LIAT1: variants seen among roughly 807,000 people sequenced by gnomAD.
LIAT1 encodes protein LIAT1.
At chr17:413,585 G>A in the LIAT1 span, 8 of 1,479,050 alleles carry the variant, frequency 5.4e-6, no homozygotes, top group Admixed American at 3.8e-5. Flanking sequence ...CATCCACCCC[G>A]ACCCCGAGGC....
At chr17:413,090 C>T in the LIAT1 span, 46 of 1,575,436 alleles carry the variant, frequency 2.9e-5, 1 homozygote, top group Middle Eastern at 5.2e-4. Context: ...TGGCACCATC[C>T]CCAGCAGGCC....
the LIAT1 span, among the ~76,000 whole-genome samples, chr17:410,990 T>G: frequency 6.6e-6 from 1 of 151,994 alleles, no homozygotes; most frequent in Non-Finnish European, 1.5e-5. Context: ...ACAGAGGCCC[T>G]CCTCACAAGA....
chr17:413,263 A>G, the LIAT1 span: 1 of 1,614,090 alleles, frequency 6.2e-7, no homozygotes, highest in South Asian at 1.1e-5. Context: ...GCAAAGTGGA[A>G]AAGAAGCACC....
At chr17:410,710 C>T in the LIAT1 span, 13 of 1,429,824 alleles carry the variant, frequency 9.1e-6, no homozygotes, top group South Asian at 6.2e-5. Context: ...TGGGGACCCA[C>T]CCCCCATTTA....
chr17:411,150 C>T, the LIAT1 span, among the ~76,000 whole-genome samples: 1 of 152,204 alleles, frequency 6.6e-6, no homozygotes, highest in Non-Finnish European at 1.5e-5. Context: ...CACCCACAGA[C>T]GTGTGTATTA....
chr17:412,992 G>A, the LIAT1 span: 2 of 725,324 alleles, frequency 2.8e-6, no homozygotes, highest in Non-Finnish European at 2.3e-6. Flanking sequence ...AAATCACACA[G>A]GCAGGTGGGC....
At chr17:412,366 G>A in the LIAT1 span, among the ~76,000 whole-genome samples, 1 of 152,054 alleles carries the variant, frequency 6.6e-6, no homozygotes, top group East Asian at 1.9e-4. Flanking sequence ...TCCTTTTGGC[G>A]TAGCTTTTCA....
the LIAT1 span, chr17:413,280 C>T: frequency 1.9e-6 from 3 of 1,614,112 alleles, no homozygotes; most frequent in Non-Finnish European, 2.5e-6. Context: ...CACCTCCCTT[C>T]TGACTCCTCC....
chr17:412,441 C>T, the LIAT1 span, among the ~76,000 whole-genome samples: 3 of 152,030 alleles, frequency 2.0e-5, no homozygotes, highest in African/African-American at 7.3e-5. Context: ...GTTTCCAGGG[C>T]GTAGCAAGGG....
At chr17:411,132 G>GACACCC in the LIAT1 span, among the ~76,000 whole-genome samples, 3 of 152,190 alleles carry the variant, frequency 2.0e-5, no homozygotes, top group Admixed American at 1.3e-4. Context: ...ATGCGCGGTA[G>GACACCC]ACACCCACAC....
chr17:412,837 C>T, the LIAT1 span, among the ~76,000 whole-genome samples: 1 of 152,224 alleles, frequency 6.6e-6, no homozygotes, highest in Non-Finnish European at 1.5e-5. Flanking sequence ...CTCTGCCACT[C>T]GCTCATGACA....
the LIAT1 span, among the ~76,000 whole-genome samples, chr17:410,996 C>A: frequency 1.3e-5 from 2 of 152,326 alleles, no homozygotes; most frequent in East Asian, 3.9e-4. Context: ...GCCCTCCTCA[C>A]AAGACACTTT....
the LIAT1 span, chr17:413,461 C>T: frequency 6.2e-7 from 1 of 1,603,076 alleles, no homozygotes; most frequent in Non-Finnish European, 8.5e-7. Context: ...AGGGCTTCCA[C>T]CCCGACCCCG....
At chr17:413,550 A>G in the LIAT1 span, 1 of 1,457,094 alleles carries the variant, frequency 6.9e-7, no homozygotes, top group African/African-American at 1.8e-5. Context: ...AAGGGCTTCC[A>G]CCCCGACCCC....
the LIAT1 span, chr17:413,492 C>T: frequency 2.7e-6 from 4 of 1,483,542 alleles, no homozygotes; most frequent in Admixed American, 3.8e-5. Flanking sequence ...GGGCTTCCAC[C>T]CCGACCCCGA....
the LIAT1 span, among the ~76,000 whole-genome samples, chr17:410,854 C>T: frequency 1.3e-5 from 2 of 152,120 alleles, no homozygotes; most frequent in Admixed American, 6.5e-5. Context: ...GGTCCCTTAG[C>T]CCCACACAGA....
the LIAT1 span, among the ~76,000 whole-genome samples, chr17:412,276 T>C: frequency 1.3e-5 from 2 of 149,916 alleles, no homozygotes; most frequent in African/African-American, 4.9e-5. Flanking sequence ...TGCTCCAGCC[T>C]GGGTGGCAGA....
At chr17:410,639 G>A in the LIAT1 span, 2 of 1,540,442 alleles carry the variant, frequency 1.3e-6, no homozygotes, top group Admixed American at 2.0e-5. Flanking sequence ...GGTCTGGCAA[G>A]GGGGACGGTA....
the LIAT1 span, among the ~76,000 whole-genome samples, chr17:412,858 C>A: frequency 6.6e-6 from 1 of 152,226 alleles, no homozygotes; most frequent in Non-Finnish European, 1.5e-5. Context: ...TTGGCAAGTT[C>A]CTGAACCTTT....
Sources: gnomAD v4.1 joint callset for allele counts (sites outside exome capture counted in the v4.1 genomes callset) on GRCh38, gnomAD v4.1.1 for gene constraint, MANE v1.5 for transcripts, NCBI Gene and HGNC (gene_info 2026-07-23, HGNC 2026-07-21) for gene names.